Variants in FRA10AC1 observed in about 807,000 individuals in gnomAD.
FRA10AC1 encodes the protein FRA10A associated CGG repeat 1, also known as protein FRA10AC1.
A neutral mutation model predicts 56.5 loss-of-function variants in FRA10AC1; 43 were observed. The ratio of observed to expected loss-of-function variants is 0.76; its 90% confidence interval spans 0.60 to 0.98. The LOEUF is 0.98. FRA10AC1 is among the 50% of genes least tolerant of loss of function. FRA10AC1 has a pLI of 0.00. For synonymous variants in FRA10AC1, 112 were observed against 110.5 expected (o/e 1.01, Z -0.09); for missense variants, 346 against 351.8 (o/e 0.98, Z 0.13).
rs1425051327 is a variant in FRA10AC1, at chr10:93,668,629, GA to G, written c.*1196del. On this transcript the variant is annotated 3_prime_UTR_variant, in exon 14 of 14. Coordinates refer to ENST00000359204, the MANE Select transcript of FRA10AC1 (RefSeq NM_145246.5). ...GTTCCACATGGCTGGGAAAGCCTCA[GA>G]ATCATGGTGGGAGGCAAAAGGCACT... The G allele has an allele frequency of 6.5e-6, 1 of 154,656 alleles. No homozygotes were observed. The highest frequency in any genetic ancestry group is 2.4e-5 in the African/African-American group (1 of 41,528). The allele number at this position is 154,656 out of a possible 1,614,324, so 9.6% of individuals were successfully genotyped here.
chr10:93,690,732 AG>A (rs1370566211), intron 7 of FRA10AC1, among the ~76,000 whole-genome samples: 7 of 152,234 alleles, frequency 4.6e-5, no homozygotes, highest in Non-Finnish European at 1.0e-4. Context: ...TTTACAATAC[AG>A]TAACTTTAAG....
In FRA10AC1 at chr10:93,692,086, T is replaced by C; in HGVS notation, c.388A>G (p.Arg130Gly). The change falls in exon 7 of 14, where the codon AGA (arginine) becomes GGA (glycine). Residue 130 changes from arginine to glycine, a missense_variant. Arg to Gly is a moderately radical substitution (Grantham distance 125, BLOSUM62 -2). Coordinates refer to ENST00000359204, the MANE Select transcript of FRA10AC1 (RefSeq NM_145246.5). ...TTATCATAGTATTTCTTAGCAAGTCTCTTCTCCCTAGACCCATGAAAATAT... is the reference window on the plus strand; with the variant it reads ...TTATCATAGTATTTCTTAGCAAGTCCCTTCTCCCTAGACCCATGAAAATAT... ...EDEMDMTWEK[R>G]LAKKYYDKLF... 1.3e-6 allele frequency: 2 copies of C among 1,544,000 alleles called. No individual in the cohort carries two copies. Among genetic ancestry groups the C allele is most frequent in the Non-Finnish European group, 1.7e-6 (2 of 1,152,250 alleles).
chr10:93,694,785 G>T, intron 5 of FRA10AC1, 76 bp downstream of exon 5: 1 of 547,550 alleles, frequency 1.8e-6, no homozygotes. Flanking sequence ...GACAGAATCA[G>T]AAGGCACAGT....
chr10:93,701,694 T>G (rs1390500492), intron 1 of FRA10AC1, among the ~76,000 whole-genome samples: 1 of 152,172 alleles, frequency 6.6e-6, no homozygotes, highest in African/African-American at 2.4e-5. Flanking sequence ...TACACCCTTT[T>G]TTAGGTCAAC....
At chr10:93,692,481 T>G (rs1189008645) in intron 6 of FRA10AC1, among the ~76,000 whole-genome samples, 165 bp downstream of exon 6, 1 of 152,186 alleles carries the variant, frequency 6.6e-6, no homozygotes, top group African/African-American at 2.4e-5. Context: ...CAGTTAAAAC[T>G]GCCAAAAATT....
At chr10:93,700,128 G>C in intron 1 of FRA10AC1, 22 bp from the exon 2 acceptor site, 1 of 1,398,780 alleles carries the variant, frequency 7.1e-7, no homozygotes, top group South Asian at 1.2e-5. Context: ...TACAAAGTCA[G>C]CTATTTAGAA....
intron 11 of FRA10AC1, among the ~76,000 whole-genome samples, chr10:93,678,246 A>G (rs1425307897): frequency 1.3e-5 from 2 of 152,174 alleles, no homozygotes; most frequent in African/African-American, 4.8e-5. Context: ...AAGATTCTGA[A>G]CATTTTGCCA....
At chr10:93,690,624 G>GA (rs532832260) in intron 7 of FRA10AC1, among the ~76,000 whole-genome samples, 6 of 151,486 alleles carry the variant, frequency 4.0e-5, no homozygotes, top group Non-Finnish European at 7.4e-5. Flanking sequence ...ATGAAAAAAA[G>GA]AAAAAAAACA....
intron 4 of FRA10AC1, among the ~76,000 whole-genome samples, chr10:93,697,286 T>A (rs2059249314): frequency 6.6e-6 from 1 of 151,992 alleles, no homozygotes; most frequent in Non-Finnish European, 1.5e-5. Context: ...GCAGATGAGA[T>A]CCATGGAAAA....
chr10:93,702,513 A>AC lies in FRA10AC1; in HGVS notation c.-140dup. On this transcript the variant is annotated 5_prime_UTR_variant, in exon 1 of 14. Coordinates refer to ENST00000359204, the MANE Select transcript of FRA10AC1 (RefSeq NM_145246.5). ...GTGCGCCCTGCCGCACAGCCTCGCC[A>AC]CAACCACCACCGCCGCCGCCGCCGC... The AC allele has an allele frequency of 6.1e-6, 1 of 164,126 alleles. No individual in the cohort carries two copies. The highest frequency in any genetic ancestry group is 1.2e-5 in the Non-Finnish European group (1 of 86,476). The allele number at this position is 164,126 out of a possible 1,614,324, so 10.2% of individuals were successfully genotyped here.
chr10:93,700,004 T>C (rs1378384535), intron 2 of FRA10AC1, 26 bp downstream of exon 2: 2 of 1,238,948 alleles, frequency 1.6e-6, no homozygotes, highest in African/African-American at 1.5e-5. Context: ...ATGTGAAAAA[T>C]AGATCAATAA....
chr10:93,670,922 A>G, intron 12 of FRA10AC1, 74 bp from the exon 13 acceptor site: 1 of 953,662 alleles, frequency 1.0e-6, no homozygotes, highest in Non-Finnish European at 1.6e-6. Context: ...CGCCAATACA[A>G]TTAACTTTTT....
At chr10:93,695,746 G>A (rs967519496) in intron 4 of FRA10AC1, among the ~76,000 whole-genome samples, 2 of 149,948 alleles carry the variant, frequency 1.3e-5, no homozygotes, top group African/African-American at 4.9e-5. Context: ...AAAAAAAAAA[G>A]AGAGAGACAG....
chr10:93,684,169 A>T lies in FRA10AC1; in HGVS notation c.626-71T>A. 5 of 1,113,548 alleles carry T rather than the reference A, an allele frequency of 4.5e-6. No individual in the cohort carries two copies. The South Asian group carries it at 6.6e-5, about 15-fold the overall frequency. 69.0% of individuals were successfully genotyped at this position (1,113,548 alleles called of 1,614,324 possible). On this transcript the variant is annotated intron_variant, in intron 9 of 13. Transcript: ENST00000359204. ...ACTGCTAATCTACTTTTAATATCAT[A>T]AATTCGCACTTTCTTTATATTCCAT...
intron 9 of FRA10AC1, 140 bp from the exon 10 acceptor site, chr10:93,684,238 CCTT>C: frequency 3.3e-6 from 2 of 607,318 alleles, no homozygotes; most frequent in East Asian, 2.7e-5. Flanking sequence ...AACAATCTGA[CCTT>C]CATCACCTCA....
chr10:93,675,711 A>G (rs1028278733), intron 12 of FRA10AC1: 1 of 331,824 alleles, frequency 3.0e-6, no homozygotes, highest in African/African-American at 2.2e-5. Context: ...TCTCCAAAAA[A>G]ATAAAATAAA....
intron 7 of FRA10AC1, among the ~76,000 whole-genome samples, chr10:93,688,391 A>G (rs936687719): frequency 6.6e-6 from 1 of 152,186 alleles, no homozygotes; most frequent in African/African-American, 2.4e-5. Context: ...GAGGATTTTT[A>G]GGGCAGTGCA....
rs1395012147 is a variant in FRA10AC1, at chr10:93,694,333, A to G, written c.296+528T>C. On this transcript the variant is annotated intron_variant, in intron 5 of 13. Transcript: ENST00000359204. ...CAGGGTTGTGCCCGGCTCAGCAGGT[A>G]AAGAGTCTACCTGAGGCCTGTCCAA... is the stretch of plus-strand genomic sequence containing the variant. 2.0e-5 allele frequency among the ~76,000 whole-genome samples: 3 copies of G among 152,126 alleles called. No homozygotes were observed. The East Asian group carries it at 5.8e-4, about 29-fold the overall frequency.
chr10:93,698,471 G>T, intron 2 of FRA10AC1, 75 bp from the exon 3 acceptor site: 2 of 786,934 alleles, frequency 2.5e-6, no homozygotes. Flanking sequence ...TTTCATAACT[G>T]GAATATACTT....
Sources: gnomAD v4.1 joint callset for allele counts (sites outside exome capture counted in the v4.1 genomes callset) on GRCh38, gnomAD v4.1.1 for gene constraint, MANE v1.5 for transcripts, NCBI Gene and HGNC (gene_info 2026-07-23, HGNC 2026-07-21) for gene names.